Variants in CDCA2 observed in about 807,000 individuals in gnomAD.
The protein encoded by CDCA2 is cell division cycle associated 2.
In CDCA2, 44 loss-of-function variants were observed where a neutral mutation model predicts 67.0. The ratio of observed to expected loss-of-function variants is 0.66; its 90% confidence interval spans 0.52 to 0.84. The LOEUF is 0.84. Among genes scored for constraint, CDCA2 ranks in the 40% least tolerant of loss-of-function variants. The probability of loss-of-function intolerance (pLI) is 0.00; values close to 1 mark genes in which losing one functional copy is unlikely to be tolerated. For missense variants in CDCA2, 1,253 were observed against 1,203.2 expected, an observed-to-expected ratio of 1.04 and a Z score of -0.61; for synonymous variants, 447 against 418.7, an observed-to-expected ratio of 1.07 and a Z score of -0.82.
At chr8:25,481,297 C>G (rs1382961505) in intron 8 of CDCA2, among the ~76,000 whole-genome samples, 1 of 150,820 alleles carries the variant, frequency 6.6e-6, no homozygotes, top group Non-Finnish European at 1.5e-5. Flanking sequence ...TTCATATCTT[C>G]TCCTCAAAAA....
chr8:25,466,491 C>T (rs1345214936), intron 5 of CDCA2, among the ~76,000 whole-genome samples, 166 bp downstream of exon 5: 5 of 152,060 alleles, frequency 3.3e-5, no homozygotes, highest in Non-Finnish European at 7.4e-5. Context: ...ATAAGGATTT[C>T]TGGTTTCTCT....
intron 13 of CDCA2, among the ~76,000 whole-genome samples, chr8:25,498,453 A>ACCCCCCCCCCCCCCCCCCCCCCCCCCCC (rs60633246): frequency 3.0e-4 from 23 of 76,590 alleles, no homozygotes; most frequent in Non-Finnish European, 4.5e-4. Context: ...GGTAATCTGC[A>ACCCCCCCCCCCCCCCCCCCCCCCCCCCC]CCCCCCCCCC....
Position 25,480,095 on chromosome 8 carries a change from T to C in CDCA2, c.1003T>C (p.Ser335Pro), listed in dbSNP as rs774640407. The C allele has an allele frequency of 6.2e-6, 10 of 1,614,150 alleles. No homozygotes were observed. Among genetic ancestry groups the C allele is most frequent in the Non-Finnish European group, 8.5e-6 (10 of 1,180,018 alleles). ...ACTTCGTTCTGTACTGAAGAAACCC[T>C]CTGTTAAGATGTGTCTAGAGAGCTT... ...FVLRSVLKKP[S>P]VKMCLESLQE... The change falls in exon 8 of 15, where the codon TCT (serine) becomes CCT (proline). Residue 335 changes from serine to proline, a missense_variant. Transcript: ENST00000330560.
chr8:25,486,490 A>G lies in CDCA2; in HGVS notation c.1444+653A>G, dbSNP rs1226782831. Reference sequence around the variant, plus strand: ...CAAAGGCCATACCCTTAAACATATTATACCACCTTTCATTTATATCATTAA... The same window carrying G: ...CAAAGGCCATACCCTTAAACATATTGTACCACCTTTCATTTATATCATTAA... On this transcript the variant is annotated intron_variant, in intron 11 of 14. Transcript: ENST00000330560. Among the ~76,000 whole-genome samples the G allele has an allele frequency of 2.6e-5, 4 of 152,108 alleles. No homozygotes were observed. In the East Asian group the frequency reaches 5.8e-4, roughly 22 times the overall value.
Position 25,460,293 on chromosome 8 carries a change from T to C in CDCA2, c.54T>C (p.Asn18=). 2 of 1,614,166 alleles carry C rather than the reference T, an allele frequency of 1.2e-6. No individual in the cohort carries two copies. The highest frequency in any genetic ancestry group is 1.6e-4 in the Middle Eastern group (1 of 6,062). The change falls in exon 2 of 15, where the codon AAT becomes AAC. Residue 18 remains asparagine, a synonymous_variant. Coordinates refer to ENST00000330560, the MANE Select transcript of CDCA2 (RefSeq NM_152562.4). ...KPPETKESAM[N]NAGNASFILG... Reference sequence around the variant, plus strand: ...CTGAAACCAAGGAGTCTGCAATGAATAATGCTGGTATGTGATGATCTGCCT... The same window carrying C: ...CTGAAACCAAGGAGTCTGCAATGAACAATGCTGGTATGTGATGATCTGCCT...
intron 7 of CDCA2, among the ~76,000 whole-genome samples, chr8:25,478,445 A>G (rs936561052): frequency 1.3e-5 from 2 of 152,142 alleles, no homozygotes; most frequent in African/African-American, 4.8e-5. Context: ...TTTTTCACAC[A>G]GTAGCCAGAG....
At chr8:25,495,741 A>G (rs1417578277) in intron 13 of CDCA2, among the ~76,000 whole-genome samples, 1 of 152,162 alleles carries the variant, frequency 6.6e-6, no homozygotes, top group Non-Finnish European at 1.5e-5. Flanking sequence ...ATAAATCTTA[A>G]GGACAAAAAT....
chr8:25,460,208 G>A, intron 1 of CDCA2, 32 bp from the exon 2 acceptor site: 2 of 1,608,768 alleles, frequency 1.2e-6, no homozygotes, highest in Non-Finnish European at 1.7e-6. Flanking sequence ...TGCTGGTGGG[G>A]TTATTTTTCA....
intron 14 of CDCA2, among the ~76,000 whole-genome samples, chr8:25,503,793 A>G (rs1804570347): frequency 6.6e-6 from 1 of 152,208 alleles, no homozygotes; most frequent in African/African-American, 2.4e-5. Context: ...CCGAGACACA[A>G]GATTTTGCAT....
chr8:25,479,639 T>G, intron 7 of CDCA2: 1 of 460,574 alleles, frequency 2.2e-6, no homozygotes, highest in African/African-American at 2.0e-5. Flanking sequence ...GATACCTTCT[T>G]TCAACCTCTG....
chr8:25,481,731 A>G (rs745772724), intron 8 of CDCA2, among the ~76,000 whole-genome samples: 1 of 152,218 alleles, frequency 6.6e-6, no homozygotes, highest in Non-Finnish European at 1.5e-5. Context: ...AATGATCTTT[A>G]TACTAAGATG....
At chr8:25,472,342 C>T (rs963040898) in intron 7 of CDCA2, among the ~76,000 whole-genome samples, 1 of 151,846 alleles carries the variant, frequency 6.6e-6, no homozygotes, top group African/African-American at 2.4e-5. Context: ...ACCTCTGCTT[C>T]CCAGGTTCAA....
intron 7 of CDCA2, chr8:25,472,254 TTTA>T (rs1337093157): frequency 7.1e-6 from 1 of 139,952 alleles, no homozygotes; most frequent in African/African-American, 2.6e-5. Flanking sequence ...TTATTTTTTA[TTTA>T]TTTTTTTTTT....
intron 7 of CDCA2, among the ~76,000 whole-genome samples, chr8:25,478,913 T>TATATATATATA (rs1803460265): frequency 2.0e-5 from 3 of 149,440 alleles, no homozygotes; most frequent in African/African-American, 7.4e-5. Flanking sequence ...TATATATATA[T>TATATATATATA]TAACTTTTTA....
At chr8:25,490,382 G>T (rs1803954708) in intron 13 of CDCA2, among the ~76,000 whole-genome samples, 1 of 151,870 alleles carries the variant, frequency 6.6e-6, no homozygotes, top group Non-Finnish European at 1.5e-5. Flanking sequence ...GCAATGAGAG[G>T]AGGAAAGGGA....
chr8:25,460,003 C>A (rs1222699709), intron 1 of CDCA2, among the ~76,000 whole-genome samples: 1 of 152,144 alleles, frequency 6.6e-6, no homozygotes, highest in East Asian at 1.9e-4. Context: ...ATGGCTACCT[C>A]ATTTACTTTG....
intron 4 of CDCA2, among the ~76,000 whole-genome samples, chr8:25,464,275 G>T (rs1188327530): frequency 6.6e-6 from 1 of 152,162 alleles, no homozygotes; most frequent in East Asian, 1.9e-4. Flanking sequence ...AATTATCTGG[G>T]TGTGGTGGCA....
intron 7 of CDCA2, among the ~76,000 whole-genome samples, chr8:25,471,754 G>T (rs186261104): frequency 6.6e-6 from 1 of 152,260 alleles, no homozygotes; most frequent in African/African-American, 2.4e-5. Flanking sequence ...GAAGTGTAGC[G>T]ATTCACAGTT....
Position 25,460,257 on chromosome 8 carries a change from A to C in CDCA2, c.18A>C (p.Lys6Asn), listed in dbSNP as rs753780195. Residue 6 changes from lysine (K) to asparagine (N), a missense_variant, in exon 2 of 15, where the codon AAA becomes AAC. Coordinates refer to ENST00000330560, the MANE Select transcript of CDCA2 (RefSeq NM_152562.4). Reference sequence around the variant, plus strand: ...CCTCTTAGATGGATGCCAATTCAAAAGACAAGCCCCCTGAAACCAAGGAGT... The same window carrying C: ...CCTCTTAGATGGATGCCAATTCAAACGACAAGCCCCCTGAAACCAAGGAGT... The part of the protein sequence containing the change: MDANS[K>N]DKPPETKESA... 1.9e-6 allele frequency: 3 copies of C among 1,614,218 alleles called. No individual in the cohort carries two copies. Among genetic ancestry groups the C allele is most frequent in the Non-Finnish European group, 2.5e-6 (3 of 1,180,024 alleles).
Sources: allele counts gnomAD v4.1 joint callset (sites outside exome capture counted in the v4.1 genomes callset), GRCh38; gene constraint gnomAD v4.1.1; transcripts MANE v1.5; gene names NCBI Gene and HGNC (gene_info 2026-07-23, HGNC 2026-07-21).